Variants in SPATA6 observed in about 807,000 individuals in gnomAD.
SPATA6 encodes the protein spermatogenesis-associated protein 6.
A neutral mutation model predicts 65.3 loss-of-function variants in SPATA6; 56 were observed. The observed-to-expected ratio is 0.86, with a 90% CI of 0.69 to 1.07. The LOEUF (loss-of-function observed/expected upper bound fraction) is 1.07, where lower values mean the gene tolerates loss of function less well. Ranked by LOEUF, SPATA6 falls within the 50% of genes least tolerant of loss-of-function variation. The probability of loss-of-function intolerance (pLI) is 0.00; values close to 1 mark genes in which losing one functional copy is unlikely to be tolerated. For missense variants in SPATA6, 590 were observed against 594.8 expected, an observed-to-expected ratio of 0.99 and a Z score of 0.08; for synonymous variants, 199 against 213.2, an observed-to-expected ratio of 0.93 and a Z score of 0.58.
chr1:48,399,462 T>C lies in SPATA6; in HGVS notation c.669A>G (p.Lys223=), dbSNP rs772099035. ...SKSHSPSPYT[K]RRMCELSEDT... is the part of the protein sequence containing the mutation. ...CTTCAGATAGCTCACACATGCGTCT[T>C]TTTGTGTAGGGAGATGGAGAGTGTG... The change falls in exon 7 of 13, where the codon AAA becomes AAG. Residue 223 remains lysine (K), a synonymous_variant. Transcript: ENST00000371847. 4 of 1,613,242 alleles carry C rather than the reference T, an allele frequency of 2.5e-6. No homozygotes were observed. The East Asian group carries it at 6.7e-5, about 27-fold the overall frequency.
In SPATA6 at chr1:48,370,432, C is replaced by T. The variant is rs564547382; in HGVS notation, c.910-10662G>A. On this transcript the variant is annotated intron_variant, in intron 9 of 12. Coordinates refer to ENST00000371847, the MANE Select transcript of SPATA6 (RefSeq NM_019073.4). ...ATCACTTTCTCAATCTTGCCAAGAA[C>T]ATTCCTTAGTGAATCTTACATCAAG... Among the ~76,000 whole-genome samples, 10 of 152,322 alleles carry T rather than the reference C, an allele frequency of 6.6e-5. No homozygotes were observed. In the South Asian group the frequency reaches 1.0e-3, roughly 16 times the overall value.
chr1:48,264,349 T>G, the SPATA6 span, among the ~76,000 whole-genome samples: 1 of 152,178 alleles, frequency 6.6e-6, no homozygotes, highest in Admixed American at 6.5e-5. Context: ...CATATACCCT[T>G]ATACTCTAAC....
intron 3 of SPATA6, among the ~76,000 whole-genome samples, chr1:48,441,093 T>C (rs1203673442): frequency 6.6e-6 from 1 of 152,258 alleles, no homozygotes; most frequent in East Asian, 1.9e-4. Context: ...CCATGTCCAC[T>C]ACACCAAGGC....
At chr1:48,349,167 A>T (rs1439856707) in intron 11 of SPATA6, among the ~76,000 whole-genome samples, 1 of 151,940 alleles carries the variant, frequency 6.6e-6, no homozygotes. Flanking sequence ...CAATGATAAA[A>T]TTTTTTTGGT....
intron 11 of SPATA6, among the ~76,000 whole-genome samples, chr1:48,312,854 G>A (rs1570050489): frequency 6.6e-6 from 1 of 152,106 alleles, no homozygotes; most frequent in Non-Finnish European, 1.5e-5. Context: ...GTCCTTAAAG[G>A]ACCTGATGGA....
At chr1:48,329,813 G>A (rs1645864482) in intron 11 of SPATA6, among the ~76,000 whole-genome samples, 1 of 152,186 alleles carries the variant, frequency 6.6e-6, no homozygotes. Context: ...GAAAGGGTGA[G>A]TGACAGTCCC....
intron 3 of SPATA6, among the ~76,000 whole-genome samples, chr1:48,442,913 A>G (rs1655660679): frequency 6.6e-6 from 1 of 152,162 alleles, no homozygotes; most frequent in Non-Finnish European, 1.5e-5. Context: ...CTTCCTATCA[A>G]AAATCCTTAA....
intron 6 of SPATA6, 36 bp from the exon 7 acceptor site, chr1:48,399,680 G>A (rs1270008085): frequency 2.6e-6 from 4 of 1,511,058 alleles, no homozygotes; most frequent in Admixed American, 2.3e-5. Context: ...TTGGTCAAAG[G>A]GGATTTTTAA....
intron 5 of SPATA6, 55 bp downstream of exon 5, chr1:48,411,409 G>A: frequency 1.3e-6 from 2 of 1,558,380 alleles, no homozygotes; most frequent in Non-Finnish European, 1.7e-6. Flanking sequence ...CTATGCGGTG[G>A]TTTCTGACAA....
chr1:48,384,109 G>A lies in SPATA6; in HGVS notation c.909+1200C>T, dbSNP rs1458253658. Among the ~76,000 whole-genome samples the A allele has an allele frequency of 2.1e-3, 308 of 148,588 alleles. 1 individual carries two copies. The highest frequency in any genetic ancestry group is 7.3e-3 in the African/African-American group (282 of 38,508). ...GGCACCTCGGGAGGCCGAGGCTGGC[G>A]GATCACTCGTGGCTAGGAGCTGGAG... On this transcript the variant is annotated intron_variant, in intron 9 of 12. Transcript: ENST00000371847.
chr1:48,313,277 T>G (rs1400686116), intron 11 of SPATA6, among the ~76,000 whole-genome samples: 1 of 152,130 alleles, frequency 6.6e-6, no homozygotes, highest in Non-Finnish European at 1.5e-5. Context: ...GGCAAAAATG[T>G]TAAGGGCAGC....
chr1:48,421,800 C>G (rs1297768260), intron 3 of SPATA6, among the ~76,000 whole-genome samples: 1 of 151,858 alleles, frequency 6.6e-6, no homozygotes, highest in Non-Finnish European at 1.5e-5. Flanking sequence ...CACACAGTCC[C>G]CAAAACATTA....
At chr1:48,268,116 C>T in the SPATA6 span, among the ~76,000 whole-genome samples, 13 of 151,944 alleles carry the variant, frequency 8.6e-5, no homozygotes, top group Middle Eastern at 6.8e-3. Flanking sequence ...TTGGAAAATG[C>T]GACATTTGGG....
chr1:48,270,176 T>C, the SPATA6 span, among the ~76,000 whole-genome samples: 361 of 152,238 alleles, frequency 2.4e-3, 1 homozygote, highest in African/African-American at 7.9e-3. Flanking sequence ...TACCTAGAAC[T>C]ATCCCATACA....
chr1:48,303,603 A>AT lies in SPATA6; in HGVS notation c.1286+2183dup, dbSNP rs568431972. ...ATGTTGTTGCTAATGAAAAGATTTC[A>AT]TTTTTTTATAGCTGAATAATATTCC... On this transcript the variant is annotated intron_variant, in intron 12 of 12. Transcript: ENST00000371847. Among the ~76,000 whole-genome samples, 1,121 of 152,220 alleles carry AT rather than the reference A, an allele frequency of 7.4e-3. 7 individuals are homozygous for AT. Among genetic ancestry groups the AT allele is most frequent in the Non-Finnish European group, 0.012 (826 of 68,004 alleles).
At chr1:48,379,419 G>T (rs923552219) in intron 9 of SPATA6, among the ~76,000 whole-genome samples, 1 of 152,146 alleles carries the variant, frequency 6.6e-6, no homozygotes, top group Admixed American at 6.5e-5. Flanking sequence ...ATCTAAAAAA[G>T]TCAAACTCAT....
intron 3 of SPATA6, among the ~76,000 whole-genome samples, chr1:48,431,754 C>T (rs1297138322): frequency 6.6e-6 from 1 of 152,090 alleles, no homozygotes; most frequent in Non-Finnish European, 1.5e-5. Context: ...AATACCAAAA[C>T]TTATGGGATA....
At chr1:48,366,992 T>A (rs1281176704) in intron 9 of SPATA6, among the ~76,000 whole-genome samples, 3 of 152,220 alleles carry the variant, frequency 2.0e-5, no homozygotes, top group African/African-American at 7.2e-5. Context: ...TCTGGTATGT[T>A]GTGTCTTTGT....
chr1:48,304,400 A>C lies in SPATA6; in HGVS notation c.1286+1387T>G, dbSNP rs573861041. On this transcript the variant is annotated intron_variant, in intron 12 of 12. Coordinates refer to ENST00000371847, the MANE Select transcript of SPATA6 (RefSeq NM_019073.4). ...ATAACACTGCTTGGTAGCTGAAAAA[A>C]GAACCAATATTGGGGTTTACGGCAA... is the stretch of plus-strand genomic sequence containing the variant. 5.9e-5 allele frequency among the ~76,000 whole-genome samples: 9 copies of C among 152,352 alleles called. 1 individual carries two copies. The highest frequency in any genetic ancestry group is 2.2e-4 in the African/African-American group (9 of 41,584).
Sources: gnomAD v4.1 joint callset for allele counts (sites outside exome capture counted in the v4.1 genomes callset) on GRCh38, gnomAD v4.1.1 for gene constraint, MANE v1.5 for transcripts, NCBI Gene and HGNC (gene_info 2026-07-23, HGNC 2026-07-21) for gene names.